PHF14: variants seen among roughly 807,000 people sequenced by gnomAD.
PHF14 encodes the protein PHD finger protein 14.
Under a neutral mutation model 117.9 loss-of-function variants are expected in PHF14, and 55 were observed. The ratio of observed to expected loss-of-function variants is 0.47; its 90% CI spans 0.38 to 0.58. The LOEUF is 0.58. Ranked by LOEUF, PHF14 falls within the 20% of genes least tolerant of loss-of-function variation. The pLI is 0.00. For synonymous variants in PHF14, 409 were observed against 368.6 expected (o/e 1.11, Z -1.26); for missense variants, 978 against 1,122.2 (o/e 0.87, Z 1.84).
chr7:11,140,294 G>A (rs770766470), intron 17 of PHF14, among the ~76,000 whole-genome samples: 6 of 151,978 alleles, frequency 3.9e-5, no homozygotes, highest in East Asian at 1.9e-4. Flanking sequence ...TACTATGTGC[G>A]ATATACCCTA....
chr7:11,086,037 C>CT (rs1274861025), intron 16 of PHF14, among the ~76,000 whole-genome samples: 1 of 152,112 alleles, frequency 6.6e-6, no homozygotes, highest in South Asian at 2.1e-4. Context: ...GGATAATAAT[C>CT]TTTTTTACCT....
chr7:11,026,160 CA>C (rs1783905340), intron 6 of PHF14, among the ~76,000 whole-genome samples: 1 of 151,148 alleles, frequency 6.6e-6, no homozygotes, highest in African/African-American at 2.4e-5. Context: ...CTCCAACTTT[CA>C]GCAACCACCA....
At chr7:11,121,409 C>G (rs1263500023) in intron 17 of PHF14, among the ~76,000 whole-genome samples, 1 of 152,176 alleles carries the variant, frequency 6.6e-6, no homozygotes, top group Admixed American at 6.6e-5. Context: ...TCCGATGCTA[C>G]TAATTCTTTT....
rs1785159142 is a variant in PHF14, at chr7:11,059,955, A to G, written c.2482-1836A>G. On this transcript the variant is annotated intron_variant, in intron 14 of 17. Transcript: ENST00000634607. ...ACTTGATCATGTCTCACTGCAGCCT[A>G]GATCTCCTGGGCTCAAGTTATCTTC... Among the ~76,000 whole-genome samples, 4 of 152,228 alleles carry G rather than the reference A, an allele frequency of 2.6e-5. No individual in the cohort carries two copies. The East Asian group carries it at 7.7e-4, about 29-fold the overall frequency.
At chr7:11,106,324 TGATACA>T in intron 16 of PHF14, 6 of 978,922 alleles carry the variant, frequency 6.1e-6, no homozygotes, top group Non-Finnish European at 7.3e-6. Context: ...CATTATTGGC[TGATACA>T]GAAGTCTGTA....
chr7:11,163,867 A>C (rs1016552541), intron 17 of PHF14, among the ~76,000 whole-genome samples: 1 of 152,172 alleles, frequency 6.6e-6, no homozygotes, highest in African/African-American at 2.4e-5. Context: ...CCACAGATGG[A>C]AGCCAAGTAG....
At chr7:11,137,349 T>C (rs1490252226) in intron 17 of PHF14, among the ~76,000 whole-genome samples, 1 of 151,550 alleles carries the variant, frequency 6.6e-6, no homozygotes, top group Non-Finnish European at 1.5e-5. Context: ...TAAGTGCTTT[T>C]GTGTGTGACA....
At chr7:11,061,650 G>C in intron 14 of PHF14, 141 bp from the exon 15 acceptor site, 1 of 501,368 alleles carries the variant, frequency 2.0e-6, no homozygotes, top group Admixed American at 3.8e-5. Context: ...GTCCAATATA[G>C]TATTAATTAG....
intron 6 of PHF14, among the ~76,000 whole-genome samples, chr7:11,025,638 A>C (rs953897547): frequency 1.8e-4 from 27 of 151,950 alleles, no homozygotes; most frequent in African/African-American, 5.8e-4. Flanking sequence ...CTAAAAAAAT[A>C]CAAAAAATTA....
Position 10,987,120 on chromosome 7 carries a change from C to T in PHF14, c.901-3583C>T, listed in dbSNP as rs557122292. Among the ~76,000 whole-genome samples, 249 of 152,118 alleles carry T rather than the reference C, an allele frequency of 1.6e-3. 3 individuals are homozygous for T. Among genetic ancestry groups the T allele is most frequent in the African/African-American group, 5.5e-3 (229 of 41,468 alleles). ...ATCCACTTCTATTTGGGACTTCTAA[C>T]TTATTAATCAGTTGTCTTTTTACAC... On this transcript the variant is annotated intron_variant, in intron 3 of 17. Coordinates refer to ENST00000634607, the MANE Select transcript of PHF14 (RefSeq NM_001007157.2).
intron 10 of PHF14, 118 bp downstream of exon 10, chr7:11,037,209 C>G (rs530394407): frequency 1.2e-6 from 1 of 855,954 alleles, no homozygotes; most frequent in Non-Finnish European, 1.7e-6. Flanking sequence ...CTCTTTGGCT[C>G]TTCCCTATAA....
At position 11,062,091 on chromosome 7, in the gene PHF14, T is replaced by A. The variant is rs746865124; in HGVS notation, c.2654+6T>A. 3 of 1,602,766 alleles carry A rather than the reference T, an allele frequency of 1.9e-6. No homozygotes were observed. The highest frequency in any genetic ancestry group is 3.4e-5 in the Admixed American group (2 of 58,654). On this transcript the variant is annotated splice_donor_region_variant and intron_variant, in intron 16 of 17. Transcript: ENST00000634607. ...GACAATGAAAATCTTGTCAGGTAAG[T>A]TGGATGCTAAAACCTTGTCTTTAGG...
intron 4 of PHF14, among the ~76,000 whole-genome samples, chr7:10,999,883 C>G (rs1313402197): frequency 4.6e-5 from 7 of 152,164 alleles, no homozygotes; most frequent in African/African-American, 1.7e-4. Context: ...ATTTAACTGA[C>G]TTTGATGGCA....
chr7:11,165,121 C>T (rs1789164661), intron 17 of PHF14, among the ~76,000 whole-genome samples: 1 of 152,160 alleles, frequency 6.6e-6, no homozygotes, highest in African/African-American at 2.4e-5. Flanking sequence ...GACGGGGTTT[C>T]ACCATGTTGG....
At chr7:10,996,079 G>C (rs1052291254) in intron 4 of PHF14, among the ~76,000 whole-genome samples, 1 of 152,230 alleles carries the variant, frequency 6.6e-6, no homozygotes, top group African/African-American at 2.4e-5. Context: ...CCAGCACGCT[G>C]TCACCTATCA....
In PHF14 at chr7:10,974,092, A is replaced by C; in HGVS notation, c.-232A>C. The C allele has an allele frequency of 6.2e-6, 3 of 481,524 alleles. No homozygotes were observed. The highest frequency in any genetic ancestry group is 6.7e-5 in the East Asian group (2 of 29,726). 29.8% of individuals were successfully genotyped at this position (481,524 alleles called of 1,614,324 possible). A position where few individuals can be genotyped will look rare whatever the true frequency, so the allele number is the denominator to read the frequency against. On this transcript the variant is annotated 5_prime_UTR_variant, in exon 1 of 18. Coordinates refer to ENST00000634607, the MANE Select transcript of PHF14 (RefSeq NM_001007157.2). ...GGCCGGAGGTCTTCTCCGGCCAGGG[A>C]GCGCTGTGGGAAGGGGCTCGAGCGG... is the stretch of plus-strand genomic sequence containing the variant.
At chr7:11,098,627 G>T (rs1786967570) in intron 16 of PHF14, among the ~76,000 whole-genome samples, 1 of 152,050 alleles carries the variant, frequency 6.6e-6, no homozygotes, top group Non-Finnish European at 1.5e-5. Context: ...TCCAGAGCAG[G>T]GCATATGTTG....
chr7:11,128,394 C>T (rs543818006), intron 17 of PHF14, among the ~76,000 whole-genome samples: 288 of 152,098 alleles, frequency 1.9e-3, no homozygotes, highest in African/African-American at 6.7e-3. Context: ...TTCCCTACTT[C>T]ATTCTATTTC....
intron 16 of PHF14, chr7:11,063,623 G>A (rs1785317493): frequency 1.0e-6 from 1 of 975,624 alleles, no homozygotes; most frequent in Non-Finnish European, 1.2e-6. Context: ...GAGATTGATT[G>A]AGGCCTTTTT....
Sources: gnomAD v4.1 joint callset for allele counts (sites outside exome capture counted in the v4.1 genomes callset) on GRCh38, gnomAD v4.1.1 for gene constraint, MANE v1.5 for transcripts, NCBI Gene and HGNC (gene_info 2026-07-23, HGNC 2026-07-21) for gene names.